CDKL3: variants seen among roughly 807,000 people sequenced by gnomAD.
The protein encoded by CDKL3 is cyclin-dependent kinase-like 3.
In CDKL3, 65 loss-of-function variants were observed where a neutral mutation model predicts 69.3. That is an observed-to-expected ratio of 0.94 (90% confidence interval 0.77 to 1.15). The LOEUF (loss-of-function observed/expected upper bound fraction) is 1.15, where lower values mean the gene tolerates loss of function less well. Among genes scored for constraint, CDKL3 ranks in the 50% most tolerant of loss-of-function variants. CDKL3 has a pLI of 0.00. For missense variants in CDKL3, 652 were observed against 689.2 expected (o/e 0.95, Z 0.61); for synonymous variants, 202 against 221.6 (o/e 0.91, Z 0.79).
chr5:134,339,266 C>A (rs1323099383), intron 4 of CDKL3, among the ~76,000 whole-genome samples: 1 of 152,086 alleles, frequency 6.6e-6, no homozygotes, highest in East Asian at 1.9e-4. Context: ...GGAAAAAAAC[C>A]TCATGATCTA....
intron 4 of CDKL3, among the ~76,000 whole-genome samples, chr5:134,339,188 T>C (rs1311564557): frequency 5.3e-5 from 8 of 151,710 alleles, no homozygotes; most frequent in Non-Finnish European, 8.8e-5. Context: ...TAAATAAAAA[T>C]AATAATGGCA....
chr5:134,295,943 C>G (rs1385117809), downstream of CDKL3, among the ~76,000 whole-genome samples: 1 of 152,116 alleles, frequency 6.6e-6, no homozygotes, highest in Non-Finnish European at 1.5e-5. Context: ...GTTGCCCAGG[C>G]TGGAGTGCAG....
In CDKL3 at chr5:134,359,872, A is replaced by C. The variant is rs200488512; in HGVS notation, c.360+25T>G. On this transcript the variant is annotated intron_variant, in intron 3 of 12. Transcript: ENST00000265334. ...ACTTATGATTCATATTCATCCTACA[A>C]ATTGGCTTATTCTGAAGCACTTACA... is the stretch of plus-strand genomic sequence containing the variant. 5.9e-5 allele frequency: 87 copies of C among 1,463,756 alleles called. No homozygotes were observed. In the African/African-American group the frequency reaches 1.1e-3, roughly 19 times the overall value. The allele number at this position is 1,463,756 out of a possible 1,614,324, so 90.7% of individuals were successfully genotyped here.
At chr5:134,302,534 G>T in intron 12 of CDKL3, 56 bp downstream of exon 12, 1 of 860,294 alleles carries the variant, frequency 1.2e-6, no homozygotes, top group East Asian at 2.6e-5. Context: ...TTTATACACT[G>T]AGTCAAGTCC....
At chr5:134,299,618 A>C in intron 12 of CDKL3, 6 of 1,446,972 alleles carry the variant, frequency 4.1e-6, no homozygotes, top group Non-Finnish European at 5.5e-6. Flanking sequence ...ATTTTTGTGT[A>C]TGTAACATTA....
chr5:134,308,521 G>C, intron 8 of CDKL3, 53 bp downstream of exon 8: 1 of 1,548,140 alleles, frequency 6.5e-7, no homozygotes, highest in Admixed American at 2.1e-5. Context: ...TTTGTCATTA[G>C]AGTCTAACTA....
chr5:134,298,265 T>C (rs896009681), downstream of CDKL3: 11 of 985,218 alleles, frequency 1.1e-5, no homozygotes, highest in Admixed American at 6.2e-5. Flanking sequence ...GGCTCAAATA[T>C]TTTATTAAGA....
chr5:134,295,434 T>C (rs981230852), downstream of CDKL3, among the ~76,000 whole-genome samples: 1 of 152,172 alleles, frequency 6.6e-6, no homozygotes, highest in Non-Finnish European at 1.5e-5. Flanking sequence ...TCTTTGACAC[T>C]GGAGTAAGGA....
chr5:134,344,906 C>CA (rs908810468), intron 4 of CDKL3, among the ~76,000 whole-genome samples: 3 of 150,514 alleles, frequency 2.0e-5, no homozygotes, highest in African/African-American at 7.3e-5. Flanking sequence ...TACAAAAATA[C>CA]AAAAAAAAAT....
rs760305506 is a variant in CDKL3, at chr5:134,366,430, T to C, written c.94A>G (p.Ile32Val). 3.7e-5 allele frequency: 60 copies of C among 1,605,028 alleles called. 1 individual carries two copies. Among genetic ancestry groups the C allele is most frequent in the East Asian group, 2.7e-4 (12 of 44,698 alleles). ...KHKNTGQIVA[I>V]KIFYERPEQS... ...TCTGGTCTCTCATAAAATATCTTAA[T>C]GGCCACTATCTGCCCAGTATTCTTA... is the stretch of plus-strand genomic sequence containing the variant. The change falls in exon 2 of 13, where the codon ATT becomes GTT. Residue 32 changes from isoleucine (I) to valine (V), a missense_variant. Coordinates refer to ENST00000265334, the MANE Select transcript of CDKL3 (RefSeq NM_001113575.2).
upstream of CDKL3, among the ~76,000 whole-genome samples, chr5:134,369,533 C>T (rs548779119): frequency 6.6e-6 from 1 of 152,280 alleles, no homozygotes; most frequent in East Asian, 1.9e-4. Context: ...TTCTTCAAAC[C>T]CTGAATTCTG....
intron 11 of CDKL3, 30 bp from the exon 12 acceptor site, chr5:134,302,717 A>G (rs775088812): frequency 1.7e-6 from 2 of 1,145,970 alleles, no homozygotes; most frequent in South Asian, 2.9e-5. Context: ...AACAATGAAA[A>G]TTTGTTATTC....
chr5:134,346,635 T>G (rs1751957300), intron 4 of CDKL3, among the ~76,000 whole-genome samples: 1 of 152,096 alleles, frequency 6.6e-6, no homozygotes, highest in Non-Finnish European at 1.5e-5. Flanking sequence ...TAGCTGGGAT[T>G]ACAGGCATGC....
At chr5:134,356,944 C>T (rs1029418534) in intron 3 of CDKL3, among the ~76,000 whole-genome samples, 2 of 152,132 alleles carry the variant, frequency 1.3e-5, no homozygotes, top group Admixed American at 6.6e-5. Context: ...AGAAATTATC[C>T]TATTGACTTT....
At chr5:134,364,936 A>C (rs1757047964) in intron 2 of CDKL3, among the ~76,000 whole-genome samples, 1 of 148,992 alleles carries the variant, frequency 6.7e-6, no homozygotes, top group Admixed American at 6.7e-5. Flanking sequence ...CCTCCTAAGT[A>C]GCTGGGATTA....
intron 4 of CDKL3, among the ~76,000 whole-genome samples, chr5:134,342,251 A>G (rs917674282): frequency 6.6e-6 from 1 of 152,222 alleles, no homozygotes; most frequent in Non-Finnish European, 1.5e-5. Context: ...TTAAGAATAA[A>G]TTTTACAAAA....
chr5:134,285,562 C>T (rs898107944), downstream of CDKL3, among the ~76,000 whole-genome samples: 2 of 152,326 alleles, frequency 1.3e-5, no homozygotes, highest in East Asian at 1.9e-4. Context: ...TCCTAGGCCT[C>T]TGGGTCTGTA....
intron 4 of CDKL3, among the ~76,000 whole-genome samples, chr5:134,325,927 C>CTTTTTTTT (rs10706943): frequency 3.2e-3 from 269 of 82,778 alleles, no homozygotes; most frequent in Non-Finnish European, 3.8e-3. Context: ...CCACGCCTGG[C>CTTTTTTTT]TTTTTTTTTT....
At chr5:134,329,882 C>A (rs181749303) in intron 4 of CDKL3, among the ~76,000 whole-genome samples, 1 of 151,668 alleles carries the variant, frequency 6.6e-6, no homozygotes, top group East Asian at 1.9e-4. Context: ...TGGTGGCACA[C>A]ACCTGTAATC....
Sources: allele counts gnomAD v4.1 joint callset (sites outside exome capture counted in the v4.1 genomes callset), GRCh38; gene constraint gnomAD v4.1.1; transcripts MANE v1.5; gene names NCBI Gene and HGNC (gene_info 2026-07-23, HGNC 2026-07-21).